SLCO2A1: variants seen among roughly 807,000 people sequenced by gnomAD.
The protein encoded by SLCO2A1 is matrin F/G 1.
SLCO2A1 carries 60 observed loss-of-function variants against 71.7 expected under a neutral mutation model. That is an observed-to-expected ratio of 0.84 (90% CI 0.68 to 1.04). The LOEUF (loss-of-function observed/expected upper bound fraction) is 1.04. Among genes scored for constraint, SLCO2A1 ranks in the 50% least tolerant of loss-of-function variants. SLCO2A1 has a pLI of 0.00. For synonymous variants in SLCO2A1, 308 were observed against 326.7 expected (o/e 0.94, Z 0.62); for missense variants, 745 against 813.4 (o/e 0.92, Z 1.02).
intron 1 of SLCO2A1, among the ~76,000 whole-genome samples, chr3:134,002,703 G>A (rs1935129277): frequency 6.6e-6 from 1 of 152,170 alleles, no homozygotes; most frequent in Admixed American, 6.5e-5. Flanking sequence ...TGGGGCCCAA[G>A]AATTTGCATT....
chr3:133,980,300 G>T (rs893717296), intron 1 of SLCO2A1, among the ~76,000 whole-genome samples: 2 of 152,200 alleles, frequency 1.3e-5, no homozygotes, highest in African/African-American at 2.4e-5. Flanking sequence ...GATGATCAAG[G>T]CCCCAGGGAA....
rs1288838027 is a variant in SLCO2A1, at chr3:133,934,846, G to A, written c.1815-16C>T. 6.3e-7 allele frequency: 1 copy of A among 1,597,354 alleles called. No homozygotes were observed. The highest frequency in any genetic ancestry group is 8.5e-7 in the Non-Finnish European group (1 of 1,171,172). ...GCCCAGGTACCTGTGGGCAGGAGGAGGCAGGACTGGTGAGGGAGGGGGCTC... is the reference window on the plus strand; with the variant it reads ...GCCCAGGTACCTGTGGGCAGGAGGAAGCAGGACTGGTGAGGGAGGGGGCTC... On this transcript the variant is annotated splice_polypyrimidine_tract_variant and intron_variant, in intron 13 of 13. Transcript: ENST00000310926.
At chr3:133,944,032 G>T (rs1933500998) in intron 10 of SLCO2A1, among the ~76,000 whole-genome samples, 1 of 152,212 alleles carries the variant, frequency 6.6e-6, no homozygotes, top group African/African-American at 2.4e-5. Flanking sequence ...GGCCAGCTGG[G>T]TGTGACACTC....
Position 134,004,581 on chromosome 3 carries a change from G to A in SLCO2A1, c.97-24963C>T, listed in dbSNP as rs149921021. Among the ~76,000 whole-genome samples the A allele has an allele frequency of 9.5e-3, 1,452 of 152,228 alleles. 17 individuals carry two copies. The highest frequency in any genetic ancestry group is 0.013 in the Non-Finnish European group (895 of 68,008). On this transcript the variant is annotated intron_variant, in intron 1 of 13. Transcript: ENST00000310926. ...ACTCCTGACCTCAGGTGAACCACCC[G>A]CCTCAGCCTCCTAAAGTGTTGGGAT... is the stretch of plus-strand genomic sequence containing the variant.
intron 3 of SLCO2A1, among the ~76,000 whole-genome samples, chr3:133,959,004 T>C (rs1042848264): frequency 1.3e-5 from 2 of 152,184 alleles, no homozygotes; most frequent in Non-Finnish European, 2.9e-5. Flanking sequence ...CAAATCACAA[T>C]ACCTGGAAAG....
intron 1 of SLCO2A1, among the ~76,000 whole-genome samples, chr3:133,980,055 CT>C (rs1375754399): frequency 6.6e-6 from 1 of 152,206 alleles, no homozygotes; most frequent in East Asian, 1.9e-4. Context: ...ATTCAGACCA[CT>C]CTTGGGAGAT....
intron 1 of SLCO2A1, among the ~76,000 whole-genome samples, chr3:133,983,268 G>A (rs916881072): frequency 1.3e-5 from 2 of 152,174 alleles, no homozygotes; most frequent in Non-Finnish European, 2.9e-5. Context: ...CTCATGGCGA[G>A]GCCACATGTT....
At position 133,935,819 on chromosome 3, in the gene SLCO2A1, CT is replaced by C. The variant is rs758054913; in HGVS notation, c.1768del (p.Arg590GlyfsTer39). 6.2e-7 allele frequency: 1 copy of C among 1,611,518 alleles called. No individual in the cohort carries two copies. Among genetic ancestry groups the C allele is most frequent in the Admixed American group, 1.7e-5 (1 of 59,956 alleles). On this transcript the variant is annotated frameshift_variant, in exon 13 of 14. Transcript: ENST00000310926. LOFTEE classifies it high-confidence loss of function. ...CIRWNSLCLG[R>X]RGACAYYDND... ...GTCATAGTAGGCGCAGGCCCCTCGC[CT>C]CCCCAAGCACAGCGAGTTCCACCGG...
chr3:134,005,567 C>T (rs1296153240), intron 1 of SLCO2A1, among the ~76,000 whole-genome samples: 6 of 150,392 alleles, frequency 4.0e-5, no homozygotes, highest in Admixed American at 1.3e-4. Context: ...CTGCAACCTC[C>T]GCTTCCCGGG....
intron 2 of SLCO2A1, 43 bp from the exon 3 acceptor site, chr3:133,973,868 TC>T (rs1455281637): frequency 3.8e-6 from 6 of 1,571,566 alleles, no homozygotes; most frequent in Non-Finnish European, 5.2e-6. Context: ...AGAGGCCCTG[TC>T]CTCACCCACC....
At chr3:133,967,883 A>C (rs914857582) in intron 3 of SLCO2A1, among the ~76,000 whole-genome samples, 127 of 22,464 alleles carry the variant, frequency 5.7e-3, no homozygotes, top group Non-Finnish European at 6.5e-3. Context: ...CCACCTCCAC[A>C]CCCCCACACA....
At position 133,988,880 on chromosome 3, in the gene SLCO2A1, C is replaced by T. The variant is rs116186294; in HGVS notation, c.97-9262G>A. Among the ~76,000 whole-genome samples the T allele has an allele frequency of 2.6e-3, 399 of 152,318 alleles. 2 individuals are homozygous for T. The highest frequency in any genetic ancestry group is 9.2e-3 in the African/African-American group (383 of 41,560). ...ACAAGGAACTTAAGGCCGGTTTGTGCTAACTTCCTAAAAGAGAAAACATCA... is the reference window on the plus strand; with the variant it reads ...ACAAGGAACTTAAGGCCGGTTTGTGTTAACTTCCTAAAAGAGAAAACATCA... On this transcript the variant is annotated intron_variant, in intron 1 of 13. Transcript: ENST00000310926.
At chr3:134,024,988 T>G (rs1030248238) in intron 1 of SLCO2A1, among the ~76,000 whole-genome samples, 2 of 151,860 alleles carry the variant, frequency 1.3e-5, no homozygotes, top group Admixed American at 6.6e-5. Context: ...CAGTAGACTG[T>G]GAGCAGTATG....
At chr3:133,973,121 T>C (rs566792230) in intron 3 of SLCO2A1, among the ~76,000 whole-genome samples, 1 of 152,344 alleles carries the variant, frequency 6.6e-6, no homozygotes, top group African/African-American at 2.4e-5. Flanking sequence ...CTTATTTTGC[T>C]CTCTTGGAGA....
chr3:133,935,823 C>T lies in SLCO2A1; in HGVS notation c.1765G>A (p.Gly589Arg). 6.2e-7 allele frequency: 1 copy of T among 1,611,810 alleles called. No homozygotes were observed. Among genetic ancestry groups the T allele is most frequent in the Non-Finnish European group, 8.5e-7 (1 of 1,178,520 alleles). Residue 589 changes from glycine (G) to arginine (R), a missense_variant, in exon 13 of 14, where the codon GGG (glycine) becomes AGG (arginine). Transcript: ENST00000310926. ...SCIRWNSLCL[G>R]RRGACAYYDN... is the part of the protein sequence containing the mutation. ...TAGTAGGCGCAGGCCCCTCGCCTCCCCAAGCACAGCGAGTTCCACCGGATG... is the reference window on the plus strand; with the variant it reads ...TAGTAGGCGCAGGCCCCTCGCCTCCTCAAGCACAGCGAGTTCCACCGGATG...
intron 1 of SLCO2A1, among the ~76,000 whole-genome samples, chr3:134,003,908 GAGAC>G (rs1418275605): frequency 3.3e-5 from 5 of 152,204 alleles, no homozygotes; most frequent in African/African-American, 1.2e-4. Context: ...CAGAGGTTGA[GAGAC>G]AGACAGAAGG....
chr3:133,939,237 T>C (rs137940793), intron 11 of SLCO2A1, among the ~76,000 whole-genome samples: 2 of 152,106 alleles, frequency 1.3e-5, no homozygotes, highest in East Asian at 1.9e-4. Flanking sequence ...GAGAGGAAAA[T>C]GTGTTTGGCT....
At position 133,935,760 on chromosome 3, in the gene SLCO2A1, T is replaced by C; in HGVS notation, c.1814+14A>G. 6.3e-7 allele frequency: 1 copy of C among 1,582,460 alleles called. No individual in the cohort carries two copies. Among genetic ancestry groups the C allele is most frequent in the South Asian group, 1.2e-5 (1 of 85,246 alleles). On this transcript the variant is annotated intron_variant, in intron 13 of 13. Transcript: ENST00000310926. ...GGCCTGGCTCTGGGACACACATACA[T>C]GATGGGCCCTCACCTGTCTCGGAGA... is the stretch of plus-strand genomic sequence containing the variant.
chr3:133,971,231 G>GTCCTTCTTCCT (rs1934315173), intron 3 of SLCO2A1, among the ~76,000 whole-genome samples: 1 of 152,262 alleles, frequency 6.6e-6, no homozygotes, highest in East Asian at 1.9e-4. Context: ...AAAGAAGACA[G>GTCCTTCTTCCT]TGCAGCCAGG....
Sources: allele counts gnomAD v4.1 joint callset (sites outside exome capture counted in the v4.1 genomes callset), GRCh38; gene constraint gnomAD v4.1.1; transcripts MANE v1.5; gene names NCBI Gene and HGNC (gene_info 2026-07-23, HGNC 2026-07-21).